The following EEF2K variants were observed in gnomAD, a reference collection of about 807,000 sequenced individuals.
EEF2K encodes eukaryotic elongation factor 2 kinase, also known as alternative protein EEF2K.
EEF2K carries 70 observed loss-of-function variants against 93.8 expected under a neutral mutation model. The ratio of observed to expected loss-of-function variants is 0.75; its 90% CI spans 0.62 to 0.91. EEF2K has a LOEUF of 0.91. EEF2K is among the 40% of genes least tolerant of loss of function. The probability of loss-of-function intolerance (pLI) is 0.00; values close to 1 mark genes in which losing one functional copy is unlikely to be tolerated. For missense variants in EEF2K, 935 were observed against 972.9 expected, an observed-to-expected ratio of 0.96 and a Z score of 0.52; for synonymous variants, 376 against 380.8, an observed-to-expected ratio of 0.99 and a Z score of 0.15.
At chr16:22,250,564 T>C in intron 4 of EEF2K, 90 bp from the exon 5 acceptor site, 1 of 1,515,320 alleles carries the variant, frequency 6.6e-7, no homozygotes. Flanking sequence ...ACCCATTTGA[T>C]AGGTGGCATG....
In EEF2K at chr16:22,214,919, C is replaced by G. The variant is rs140704188; in HGVS notation, c.-77+8240C>G. ...TTACAGAAAACAAAAGTACACTCCA[C>G]AGGGTGGGAGTGGGCTTGAGCAGAT... On this transcript the variant is annotated intron_variant, in intron 1 of 17. Coordinates refer to ENST00000263026, the MANE Select transcript of EEF2K (RefSeq NM_013302.5). Among the ~76,000 whole-genome samples the G allele has an allele frequency of 1.2e-3, 186 of 152,272 alleles. 1 individual carries two copies. The highest frequency in any genetic ancestry group is 6.8e-3 in the Middle Eastern group (2 of 294).
chr16:22,265,626 A>G (rs1456152465), intron 13 of EEF2K, among the ~76,000 whole-genome samples: 3 of 152,196 alleles, frequency 2.0e-5, no homozygotes, highest in African/African-American at 7.2e-5. Flanking sequence ...AGGGTTGCTC[A>G]AGCAAGGCAC....
At chr16:22,231,829 A>G (rs2047118155) in intron 2 of EEF2K, among the ~76,000 whole-genome samples, 1 of 151,514 alleles carries the variant, frequency 6.6e-6, no homozygotes, top group South Asian at 2.1e-4. Context: ...GTCACTACTA[A>G]AAATACAAAA....
intron 15 of EEF2K, among the ~76,000 whole-genome samples, chr16:22,272,425 G>T (rs962402815): frequency 1.3e-5 from 2 of 152,162 alleles, no homozygotes; most frequent in Non-Finnish European, 2.9e-5. Context: ...GAAAAGAGTC[G>T]CAAAGGACCA....
chr16:22,246,003 G>C (rs2047286491), intron 3 of EEF2K, among the ~76,000 whole-genome samples: 1 of 152,120 alleles, frequency 6.6e-6, no homozygotes, highest in Admixed American at 6.6e-5. Flanking sequence ...TCTACCTGGA[G>C]ATAGCATCAG....
In EEF2K at chr16:22,266,820, C is replaced by CTGG; in HGVS notation, c.1709_1711dup (p.Leu570_Gly571insVal). On this transcript the variant is annotated inframe_insertion, in exon 15 of 18. Coordinates refer to ENST00000263026, the MANE Select transcript of EEF2K (RefSeq NM_013302.5). ...GGGCGAGCTGGAGGCCATCGTGGGC[C>CTGG]TGGGACTCATGTACTCGCAGTTGCC... 6.2e-7 allele frequency: 1 copy of CTGG among 1,614,148 alleles called. No homozygotes were observed. Among genetic ancestry groups the CTGG allele is most frequent in the Non-Finnish European group, 8.5e-7 (1 of 1,180,030 alleles).
At chr16:22,268,657 A>G (rs1326584169) in intron 15 of EEF2K, among the ~76,000 whole-genome samples, 1 of 150,778 alleles carries the variant, frequency 6.6e-6, no homozygotes, top group South Asian at 2.1e-4. Flanking sequence ...TTTAATTTTT[A>G]AATATAAAAA....
intron 2 of EEF2K, among the ~76,000 whole-genome samples, chr16:22,237,807 T>C (rs1051335410): frequency 6.6e-6 from 1 of 152,176 alleles, no homozygotes; most frequent in Non-Finnish European, 1.5e-5. Context: ...ATTAGTTTCA[T>C]ATAAATTACT....
At position 22,285,404 on chromosome 16, in the gene EEF2K, T is replaced by TA; in HGVS notation, c.*1411dup. ...TTTGAGGATGAGAGGGCAAGAACTA[T>TA]AAACACTCATTAATTCTAGTAGTCT... On this transcript the variant is annotated 3_prime_UTR_variant, in exon 18 of 18. Coordinates refer to ENST00000263026, the MANE Select transcript of EEF2K (RefSeq NM_013302.5). 1 of 152,332 alleles carries TA rather than the reference T, an allele frequency of 6.6e-6. No homozygotes were observed. The highest frequency in any genetic ancestry group is 2.1e-4 in the South Asian group (1 of 4,826). 9.4% of individuals were successfully genotyped at this position (152,332 alleles called of 1,614,324 possible). A position where few individuals can be genotyped will look rare whatever the true frequency, so the allele number is the denominator to read the frequency against.
intron 1 of EEF2K, among the ~76,000 whole-genome samples, chr16:22,217,117 C>A (rs1212785254): frequency 7.1e-6 from 1 of 140,738 alleles, no homozygotes; most frequent in East Asian, 2.2e-4. Context: ...GCCAAGATTG[C>A]GCCACTGGAC....
chr16:22,236,891 C>A (rs2047172638), intron 2 of EEF2K, among the ~76,000 whole-genome samples: 1 of 149,690 alleles, frequency 6.7e-6, no homozygotes, highest in Non-Finnish European at 1.5e-5. Flanking sequence ...TATTCTGTAG[C>A]CAGAATTATG....
chr16:22,256,797 A>G lies in EEF2K; in HGVS notation c.668A>G (p.Lys223Arg), dbSNP rs1229707906. Residue 223 changes from lysine (K) to arginine (R), a missense_variant, in exon 7 of 18, where the codon AAG becomes AGG. Physicochemically the swap from Lys to Arg is conservative, Grantham distance 26 (BLOSUM62 2). Coordinates refer to ENST00000263026, the MANE Select transcript of EEF2K (RefSeq NM_013302.5). ...CIIELKDRPG[K>R]PLFHLEHYIE... ...ATCGAGCTGAAGGACAGACCGGGCA[A>G]GCCCCTCTTCCACCTGGAGCACTAC... 11 of 1,614,176 alleles carry G rather than the reference A, an allele frequency of 6.8e-6. No homozygotes were observed. The highest frequency in any genetic ancestry group is 1.7e-4 in the Middle Eastern group (1 of 6,060).
At position 22,269,819 on chromosome 16, in the gene EEF2K, A is replaced by G. The variant is rs556424238; in HGVS notation, c.1764+2943A>G. On this transcript the variant is annotated intron_variant, in intron 15 of 17. Transcript: ENST00000263026. Reference sequence around the variant, plus strand: ...TACACGGTTTCCATATACAAATATGAAATAGGCTCCTATTTTCACCCTGCT... The same window carrying G: ...TACACGGTTTCCATATACAAATATGGAATAGGCTCCTATTTTCACCCTGCT... 1.1e-3 allele frequency among the ~76,000 whole-genome samples: 161 copies of G among 152,278 alleles called. 2 individuals are homozygous for G. Among genetic ancestry groups the G allele is most frequent in the South Asian group, 6.2e-3 (30 of 4,826 alleles).
At chr16:22,271,988 A>G (rs144973465) in intron 15 of EEF2K, among the ~76,000 whole-genome samples, 2 of 152,318 alleles carry the variant, frequency 1.3e-5, no homozygotes, top group East Asian at 3.9e-4. Flanking sequence ...CTGGAAGGAT[A>G]TTTCTTCAAT....
intron 2 of EEF2K, among the ~76,000 whole-genome samples, chr16:22,227,409 G>A (rs530680531): frequency 6.6e-6 from 1 of 152,082 alleles, no homozygotes; most frequent in East Asian, 2.0e-4. Flanking sequence ...ATTTTCAGTA[G>A]AAACAGTTGC....
intron 10 of EEF2K, among the ~76,000 whole-genome samples, chr16:22,259,813 C>T (rs767716575): frequency 4.6e-5 from 7 of 151,952 alleles, no homozygotes; most frequent in South Asian, 2.1e-4. Context: ...AATGCGGTGG[C>T]GTGATCTTGG....
chr16:22,280,079 T>C (rs1216279422), intron 16 of EEF2K, 119 bp from the exon 17 acceptor site: 10 of 1,020,284 alleles, frequency 9.8e-6, no homozygotes, highest in African/African-American at 3.4e-5. Flanking sequence ...AGATAGGTCG[T>C]GAACCATAGG....
intron 1 of EEF2K, among the ~76,000 whole-genome samples, chr16:22,223,772 G>A (rs1277755913): frequency 6.6e-6 from 1 of 152,106 alleles, no homozygotes; most frequent in African/African-American, 2.4e-5. Flanking sequence ...GTGTGTTTGT[G>A]GGTATGGGAC....
At chr16:22,239,339 GA>G (rs1239071344) in intron 2 of EEF2K, among the ~76,000 whole-genome samples, 1 of 152,128 alleles carries the variant, frequency 6.6e-6, no homozygotes, top group African/African-American at 2.4e-5. Flanking sequence ...AGTCGTTTGA[GA>G]GAGGCACTGT....
Sources: allele counts gnomAD v4.1 joint callset (sites outside exome capture counted in the v4.1 genomes callset), GRCh38; gene constraint gnomAD v4.1.1; transcripts MANE v1.5; gene names NCBI Gene and HGNC (gene_info 2026-07-23, HGNC 2026-07-21).